The following ERBB4 variants were observed in gnomAD, a reference collection of about 807,000 sequenced individuals.
ERBB4 encodes the protein erb-b2 receptor tyrosine kinase 4.
A neutral mutation model predicts 158.0 loss-of-function variants in ERBB4; 42 were observed. That is an observed-to-expected ratio of 0.27 (90% confidence interval 0.21 to 0.34). The LOEUF (loss-of-function observed/expected upper bound fraction) is 0.34, where lower values mean the gene tolerates loss of function less well. Among genes scored for constraint, ERBB4 ranks in the 10% least tolerant of loss-of-function variants. The probability of loss-of-function intolerance (pLI) is 1.00; values close to 1 mark genes in which losing one functional copy is unlikely to be tolerated. For synonymous variants in ERBB4, 583 were observed against 558.7 expected (o/e 1.04, Z -0.61); for missense variants, 1,333 against 1,624.1 (o/e 0.82, Z 3.08).
At chr2:211,689,114 C>A (rs1270858776) in intron 12 of ERBB4, among the ~76,000 whole-genome samples, 1 of 152,118 alleles carries the variant, frequency 6.6e-6, no homozygotes, top group Non-Finnish European at 1.5e-5. Flanking sequence ...GAACCAATAG[C>A]AATAGTGCTT....
chr2:212,090,866 T>G (rs1279265575), intron 2 of ERBB4, among the ~76,000 whole-genome samples: 2 of 152,220 alleles, frequency 1.3e-5, no homozygotes, highest in African/African-American at 2.4e-5. Flanking sequence ...CTATCTTTAG[T>G]GATTTGCTTC....
At chr2:212,426,675 G>A (rs774139740) in intron 1 of ERBB4, among the ~76,000 whole-genome samples, 2 of 151,452 alleles carry the variant, frequency 1.3e-5, no homozygotes, top group African/African-American at 2.4e-5. Flanking sequence ...ATAATGATGC[G>A]CTTGTACCAC....
intron 20 of ERBB4, among the ~76,000 whole-genome samples, chr2:211,465,232 C>G (rs2064649629): frequency 6.6e-6 from 1 of 151,876 alleles, no homozygotes; most frequent in Non-Finnish European, 1.5e-5. Context: ...GGAGGATTCG[C>G]AGGTAGGTGA....
At chr2:211,771,627 G>A (rs1285941138) in intron 4 of ERBB4, among the ~76,000 whole-genome samples, 1 of 152,180 alleles carries the variant, frequency 6.6e-6, no homozygotes, top group African/African-American at 2.4e-5. Context: ...TGATGCTGAA[G>A]AGTCAAATGC....
intron 16 of ERBB4, among the ~76,000 whole-genome samples, chr2:211,643,258 G>T (rs752808988): frequency 5.9e-5 from 9 of 152,150 alleles, no homozygotes; most frequent in Non-Finnish European, 1.0e-4. Flanking sequence ...AACAGGTAGA[G>T]CTGATGAAGC....
intron 3 of ERBB4, among the ~76,000 whole-genome samples, chr2:211,913,248 A>G (rs72933746): frequency 0.16 from 24,036 of 152,196 alleles, 2,095 homozygotes; most frequent in Non-Finnish European, 0.18. Context: ...AAATCTATTT[A>G]CAATAATAAA....
At chr2:212,459,352 C>T (rs534377577) in intron 1 of ERBB4, among the ~76,000 whole-genome samples, 3 of 132,346 alleles carry the variant, frequency 2.3e-5, no homozygotes, top group Admixed American at 2.1e-4. Flanking sequence ...ACTAGCCACA[C>T]TAATGTAAAA....
intron 2 of ERBB4, among the ~76,000 whole-genome samples, chr2:211,986,402 T>C (rs12694255): frequency 0.36 from 54,680 of 151,974 alleles, 11,657 homozygotes; most frequent in Non-Finnish European, 0.5. Context: ...CTCAAGATCA[T>C]ATAGCTAATT....
chr2:212,059,525 C>T (rs1303580214), intron 2 of ERBB4, among the ~76,000 whole-genome samples: 1 of 152,146 alleles, frequency 6.6e-6, no homozygotes, highest in East Asian at 1.9e-4. Flanking sequence ...AGGCATCATG[C>T]TACCTGATGT....
At chr2:212,423,006 T>C (rs531581064) in intron 1 of ERBB4, among the ~76,000 whole-genome samples, 1 of 152,310 alleles carries the variant, frequency 6.6e-6, no homozygotes, top group South Asian at 2.1e-4. Flanking sequence ...TCTTAATATA[T>C]GAATTCTATA....
chr2:212,421,238 A>G (rs577872817), intron 1 of ERBB4, among the ~76,000 whole-genome samples: 97 of 152,256 alleles, frequency 6.4e-4, no homozygotes, highest in Non-Finnish European at 1.2e-3. Context: ...TATTTGTTTA[A>G]TTGGACATTC....
rs558593762 is a variant in ERBB4, at chr2:212,538,640, G to C, written c.-110C>G. On this transcript the variant is annotated 5_prime_UTR_variant, in exon 1 of 28. Transcript: ENST00000342788. Reference sequence around the variant, plus strand: ...GCCGGGCGCGCGTGGGGGTGCGAGGGGGGCGGGCGCGGCGCGCGCGGTGTG... The same window carrying C: ...GCCGGGCGCGCGTGGGGGTGCGAGGCGGGCGGGCGCGGCGCGCGCGGTGTG... The C allele has an allele frequency of 7.0e-5, 82 of 1,175,428 alleles. No homozygotes were observed. The highest frequency in any genetic ancestry group is 3.2e-4 in the South Asian group (25 of 79,356). 72.8% of individuals were successfully genotyped at this position (1,175,428 alleles called of 1,614,324 possible).
At chr2:211,814,059 G>C (rs1575184764) in intron 3 of ERBB4, among the ~76,000 whole-genome samples, 1 of 152,132 alleles carries the variant, frequency 6.6e-6, no homozygotes, top group African/African-American at 2.4e-5. Context: ...ATGTTACTAA[G>C]TTTTAAAATA....
chr2:211,496,297 A>G (rs775084781), intron 20 of ERBB4, among the ~76,000 whole-genome samples: 1 of 151,664 alleles, frequency 6.6e-6, no homozygotes, highest in Non-Finnish European at 1.5e-5. Flanking sequence ...CTGTTGAACC[A>G]CTCCCATAAA....
chr2:212,377,013 A>T (rs1322975292), intron 1 of ERBB4, among the ~76,000 whole-genome samples: 1 of 151,848 alleles, frequency 6.6e-6, no homozygotes, highest in Non-Finnish European at 1.5e-5. Flanking sequence ...GAGAGAGATG[A>T]AAGAACCTTC....
chr2:211,944,194 T>TAC (rs2080605158), intron 3 of ERBB4, among the ~76,000 whole-genome samples: 2 of 35,568 alleles, frequency 5.6e-5, no homozygotes, highest in African/African-American at 2.2e-4. Context: ...TATATATATA[T>TAC]ATATACTATA....
intron 8 of ERBB4, 113 bp downstream of exon 8, chr2:211,713,422 T>C: frequency 1.4e-6 from 1 of 716,392 alleles, no homozygotes; most frequent in Non-Finnish European, 2.6e-6. Context: ...AGCGTGTGGG[T>C]AGGTTTGGTT....
intron 5 of ERBB4, among the ~76,000 whole-genome samples, chr2:211,750,402 T>C (rs1189634529): frequency 2.6e-5 from 4 of 152,232 alleles, no homozygotes; most frequent in Non-Finnish European, 4.4e-5. Context: ...AATATCACCA[T>C]AGCTGTGCTG....
intron 3 of ERBB4, among the ~76,000 whole-genome samples, chr2:211,932,008 C>T (rs1157309655): frequency 6.6e-6 from 1 of 152,010 alleles, no homozygotes; most frequent in African/African-American, 2.4e-5. Flanking sequence ...TGTGACTGTC[C>T]TTTCTTTGTT....
Sources: allele counts gnomAD v4.1 joint callset (sites outside exome capture counted in the v4.1 genomes callset), GRCh38; gene constraint gnomAD v4.1.1; transcripts MANE v1.5; gene names NCBI Gene and HGNC (gene_info 2026-07-23, HGNC 2026-07-21).